ZNF804B: variants seen among roughly 807,000 people sequenced by gnomAD.
ZNF804B encodes zinc finger protein 804B.
In ZNF804B, 80 loss-of-function variants were observed where a neutral mutation model predicts 101.4. The ratio of observed to expected loss-of-function variants is 0.79; its 90% CI spans 0.66 to 0.95. The LOEUF (loss-of-function observed/expected upper bound fraction) is 0.95, where lower values mean the gene tolerates loss of function less well. ZNF804B is among the 40% of genes least tolerant of loss of function. ZNF804B has a pLI of 0.00. For missense variants in ZNF804B, 1,673 were observed against 1,561.9 expected (o/e 1.07, Z -1.20); for synonymous variants, 622 against 558.8 (o/e 1.11, Z -1.59).
chr7:89,116,282 T>C (rs17397481), intron 1 of ZNF804B, among the ~76,000 whole-genome samples: 22 of 152,142 alleles, frequency 1.4e-4, no homozygotes, highest in African/African-American at 5.3e-4. Flanking sequence ...ATTTGTGATG[T>C]CTATGGTTCA....
At chr7:89,304,352 T>A (rs1790528078) in intron 2 of ZNF804B, among the ~76,000 whole-genome samples, 1 of 151,976 alleles carries the variant, frequency 6.6e-6, no homozygotes, top group African/African-American at 2.4e-5. Flanking sequence ...CTTAGTTCAA[T>A]GGGGTTGAGT....
Position 88,895,296 on chromosome 7 carries a change from G to A in ZNF804B, c.108+135212G>A, listed in dbSNP as rs73395312. Among the ~76,000 whole-genome samples the A allele has an allele frequency of 2.5e-3, 375 of 152,310 alleles. 2 individuals are homozygous for A. The highest frequency in any genetic ancestry group is 8.8e-3 in the African/African-American group (366 of 41,572). On this transcript the variant is annotated intron_variant, in intron 1 of 3. Transcript: ENST00000333190. ...TAAATGGGTGGCAGATGGTAGAAGC[G>A]AAGCTTCTCACTGTTAAAGTGGGAA... is the stretch of plus-strand genomic sequence containing the variant.
intron 1 of ZNF804B, among the ~76,000 whole-genome samples, chr7:88,824,602 T>A (rs1038382319): frequency 6.6e-6 from 1 of 152,180 alleles, no homozygotes; most frequent in Non-Finnish European, 1.5e-5. Context: ...TTCAAATCAA[T>A]GTTGTTTAAA....
At chr7:89,168,767 C>T (rs73204774) in intron 1 of ZNF804B, among the ~76,000 whole-genome samples, 20,578 of 145,088 alleles carry the variant, frequency 0.14, 2,434 homozygotes, top group East Asian at 0.62. Flanking sequence ...TAAAACATAT[C>T]CTTATTCATC....
At chr7:89,288,416 C>T (rs1790238987) in intron 2 of ZNF804B, among the ~76,000 whole-genome samples, 1 of 152,140 alleles carries the variant, frequency 6.6e-6, no homozygotes, top group South Asian at 2.1e-4. Context: ...AGCAACTAAG[C>T]AAACCATCAA....
intron 1 of ZNF804B, among the ~76,000 whole-genome samples, chr7:89,180,760 T>TCCTGGCTGC (rs1362729032): frequency 6.6e-6 from 1 of 151,054 alleles, no homozygotes; most frequent in African/African-American, 2.4e-5. Flanking sequence ...GCAAGCACTC[T>TCCTGGCTGC]CCTGGCTGCC....
intron 1 of ZNF804B, among the ~76,000 whole-genome samples, chr7:89,115,016 T>C (rs1328001915): frequency 6.6e-6 from 1 of 152,160 alleles, no homozygotes; most frequent in Non-Finnish European, 1.5e-5. Context: ...GTTCCTCTAA[T>C]GGAAGAAACT....
chr7:88,893,457 C>T (rs1484697323), intron 1 of ZNF804B, among the ~76,000 whole-genome samples: 5 of 151,746 alleles, frequency 3.3e-5, no homozygotes, highest in African/African-American at 9.7e-5. Context: ...AATACATACC[C>T]TGCCTGTCTC....
intron 2 of ZNF804B, among the ~76,000 whole-genome samples, chr7:89,275,650 C>G (rs1384357190): frequency 1.3e-5 from 2 of 151,884 alleles, no homozygotes; most frequent in Non-Finnish European, 2.9e-5. Flanking sequence ...TTAATATAGT[C>G]TTTTATACCT....
intron 1 of ZNF804B, among the ~76,000 whole-genome samples, chr7:89,211,746 G>C (rs995665454): frequency 6.6e-6 from 1 of 152,066 alleles, no homozygotes. Flanking sequence ...GGTTACTGTA[G>C]CCTTGTAGTA....
intron 1 of ZNF804B, among the ~76,000 whole-genome samples, chr7:88,914,346 C>T (rs943180401): frequency 6.6e-6 from 1 of 152,060 alleles, no homozygotes; most frequent in Non-Finnish European, 1.5e-5. Context: ...CTCTCCTGCT[C>T]CTTCATTTGT....
rs1237045788 is a variant in ZNF804B at position 88,914,412 on chromosome 7, A to G, written c.108+154328A>G. On this transcript the variant is annotated intron_variant, in intron 1 of 3. Coordinates refer to ENST00000333190, the MANE Select transcript of ZNF804B (RefSeq NM_181646.5). ...TCTCCCTCTAGTTACAAAATGAAAA[A>G]CATGTGACTTGAAGAGGGTTTCTTT... 3.9e-5 allele frequency among the ~76,000 whole-genome samples: 6 copies of G among 152,236 alleles called. No individual in the cohort carries two copies. The South Asian group carries it at 1.0e-3, about 26-fold the overall frequency.
chr7:88,843,900 AT>A (rs1488303382), intron 1 of ZNF804B, among the ~76,000 whole-genome samples: 7 of 152,122 alleles, frequency 4.6e-5, no homozygotes, highest in South Asian at 2.1e-4. Flanking sequence ...CTAGAAAAAA[AT>A]AAACTCTTTT....
At chr7:88,876,056 A>C (rs2115893580) in intron 1 of ZNF804B, among the ~76,000 whole-genome samples, 1 of 152,166 alleles carries the variant, frequency 6.6e-6, no homozygotes, top group East Asian at 1.9e-4. Flanking sequence ...CCAAAGACAA[A>C]TCCATGATAT....
intron 2 of ZNF804B, among the ~76,000 whole-genome samples, chr7:89,232,803 TACAA>T (rs1313769859): frequency 6.6e-6 from 1 of 152,234 alleles, no homozygotes; most frequent in African/African-American, 2.4e-5. Flanking sequence ...TAGTAATCTT[TACAA>T]ACAAAATCTG....
chr7:88,869,179 C>T (rs1791779199), intron 1 of ZNF804B, among the ~76,000 whole-genome samples: 1 of 152,084 alleles, frequency 6.6e-6, no homozygotes, highest in African/African-American at 2.4e-5. Context: ...TAATATAAGG[C>T]TTACAAATAT....
intron 2 of ZNF804B, among the ~76,000 whole-genome samples, chr7:89,226,004 A>G (rs1203678743): frequency 2.0e-5 from 3 of 152,146 alleles, no homozygotes; most frequent in Admixed American, 6.5e-5. Context: ...AAAGGGATAG[A>G]TTCTAAAAAT....
intron 1 of ZNF804B, among the ~76,000 whole-genome samples, chr7:88,990,831 T>A (rs932573103): frequency 1.3e-5 from 2 of 152,172 alleles, no homozygotes; most frequent in African/African-American, 2.4e-5. Context: ...TTTATGTGTA[T>A]CAGTCCTTAA....
chr7:88,819,147 A>G (rs1388919135), intron 1 of ZNF804B, among the ~76,000 whole-genome samples: 1 of 152,052 alleles, frequency 6.6e-6, no homozygotes, highest in African/African-American at 2.4e-5. Flanking sequence ...TTTTTGAGAC[A>G]AAGTCTCTTT....
Sources: gnomAD v4.1 joint callset for allele counts (sites outside exome capture counted in the v4.1 genomes callset) on GRCh38, gnomAD v4.1.1 for gene constraint, MANE v1.5 for transcripts, NCBI Gene and HGNC (gene_info 2026-07-23, HGNC 2026-07-21) for gene names.